Variants in ARHGEF38 observed in about 807,000 individuals in gnomAD.
The protein encoded by ARHGEF38 is Rho guanine nucleotide exchange factor 38, also known as Rho guanine nucleotide exchange factor (GEF) 38.
In ARHGEF38, 79 loss-of-function variants were observed where a neutral mutation model predicts 79.9. That is an observed-to-expected ratio of 0.99 (90% CI 0.82 to 1.19). ARHGEF38 has a LOEUF of 1.19. Among genes scored for constraint, ARHGEF38 ranks in the 50% most tolerant of loss-of-function variants. The probability of loss-of-function intolerance (pLI) is 0.00; values close to 1 mark genes in which losing one functional copy is unlikely to be tolerated. For missense variants in ARHGEF38, 962 were observed against 907.2 expected, an observed-to-expected ratio of 1.06 and a Z score of -0.78; for synonymous variants, 366 against 328.3, an observed-to-expected ratio of 1.11 and a Z score of -1.24.
chr4:105,555,682 A>G (rs1258338704), intron 1 of ARHGEF38, among the ~76,000 whole-genome samples: 1 of 152,078 alleles, frequency 6.6e-6, no homozygotes, highest in African/African-American at 2.4e-5. Context: ...CATTCCTCAA[A>G]TTATTTAGCT....
chr4:105,584,697 T>G (rs953040671), intron 1 of ARHGEF38, among the ~76,000 whole-genome samples: 1 of 152,312 alleles, frequency 6.6e-6, no homozygotes, highest in South Asian at 2.1e-4. Flanking sequence ...ATAACTTAGA[T>G]AGATATTACA....
chr4:105,624,219 C>A (rs1728853140), intron 3 of ARHGEF38, among the ~76,000 whole-genome samples: 1 of 152,052 alleles, frequency 6.6e-6, no homozygotes, highest in Non-Finnish European at 1.5e-5. Context: ...TACGCTAGTG[C>A]TTCTGAAAAA....
intron 1 of ARHGEF38, among the ~76,000 whole-genome samples, chr4:105,581,492 C>T (rs893691662): frequency 6.6e-6 from 1 of 152,126 alleles, no homozygotes; most frequent in African/African-American, 2.4e-5. Flanking sequence ...CTATTGCATT[C>T]TATAAAATTT....
chr4:105,673,249 A>G (rs1171437890), intron 13 of ARHGEF38, among the ~76,000 whole-genome samples: 1 of 152,074 alleles, frequency 6.6e-6, no homozygotes, highest in East Asian at 1.9e-4. Context: ...TCCATCCTAG[A>G]ATTCTGCCTT....
At chr4:105,575,037 CCAT>C (rs1226165565) in intron 1 of ARHGEF38, among the ~76,000 whole-genome samples, 1 of 143,796 alleles carries the variant, frequency 7.0e-6, no homozygotes, top group Non-Finnish European at 1.5e-5. Context: ...CACACACACA[CCAT>C]ATTTTCTGTA....
chr4:105,643,165 G>A (rs971083947), intron 5 of ARHGEF38, among the ~76,000 whole-genome samples: 1 of 151,008 alleles, frequency 6.6e-6, no homozygotes, highest in Non-Finnish European at 1.5e-5. Context: ...ACTGAAAACA[G>A]TTTTCAGTAT....
rs151246159 is a variant in ARHGEF38 at position 105,620,380 on chromosome 4, G to A, written c.508+6873G>A. 5.9e-5 allele frequency among the ~76,000 whole-genome samples: 9 copies of A among 152,176 alleles called. No individual in the cohort carries two copies. In the East Asian group the frequency reaches 1.7e-3, roughly 29 times the overall value. On this transcript the variant is annotated intron_variant, in intron 3 of 13. Coordinates refer to ENST00000420470, the MANE Select transcript of ARHGEF38 (RefSeq NM_001242729.2). ...TCAGTTTCTTATCTGGAAACTGGAG[G>A]CAATAGTACCTATCCCATATGGTTT...
chr4:105,591,898 C>T (rs1001330962), intron 2 of ARHGEF38, among the ~76,000 whole-genome samples: 5 of 152,116 alleles, frequency 3.3e-5, no homozygotes, highest in Non-Finnish European at 5.9e-5. Context: ...GTCATTGCTA[C>T]GTATATAAAT....
chr4:105,658,788 T>C (rs895283167), intron 9 of ARHGEF38, among the ~76,000 whole-genome samples: 1 of 152,144 alleles, frequency 6.6e-6, no homozygotes, highest in African/African-American at 2.4e-5. Context: ...AGTGGAGTTA[T>C]ATTTTGGGTG....
intron 2 of ARHGEF38, among the ~76,000 whole-genome samples, chr4:105,603,663 G>A (rs1727918547): frequency 6.6e-6 from 1 of 152,084 alleles, no homozygotes; most frequent in East Asian, 1.9e-4. Context: ...AGCCTTGCAG[G>A]CAGAGTCATA....
At chr4:105,603,554 G>C (rs942843535) in intron 2 of ARHGEF38, among the ~76,000 whole-genome samples, 1 of 152,064 alleles carries the variant, frequency 6.6e-6, no homozygotes, top group African/African-American at 2.4e-5. Context: ...ATTCTCTCTT[G>C]AAAGCCACTA....
In ARHGEF38 at chr4:105,631,014, G is replaced by A; in HGVS notation, c.625G>A (p.Glu209Lys). The change falls in exon 4 of 14, where the codon GAA becomes AAA. Residue 209 changes from glutamate to lysine, a missense_variant. Glu to Lys is a moderately conservative substitution (Grantham distance 56). Transcript: ENST00000420470. ...CTATGAAAAGGAAGAAGAGCTGAAGGAACATTTGAGCCACTGTATCCAGTC... is the reference window on the plus strand; with the variant it reads ...CTATGAAAAGGAAGAAGAGCTGAAGAAACATTTGAGCCACTGTATCCAGTC... ...ESYEKEEELK[E>K]HLSHCIQSLK... is the part of the protein sequence containing the mutation. The A allele has an allele frequency of 2.5e-6, 4 of 1,613,586 alleles. No homozygotes were observed. The highest frequency in any genetic ancestry group is 3.4e-6 in the Non-Finnish European group (4 of 1,179,796).
intron 2 of ARHGEF38, among the ~76,000 whole-genome samples, chr4:105,594,603 T>C (rs1727493851): frequency 6.6e-6 from 1 of 152,172 alleles, no homozygotes; most frequent in African/African-American, 2.4e-5. Context: ...GAAAATTGGA[T>C]GAAGGAAGTT....
At chr4:105,555,313 C>T (rs553011380) in intron 1 of ARHGEF38, among the ~76,000 whole-genome samples, 20 of 152,200 alleles carry the variant, frequency 1.3e-4, no homozygotes, top group African/African-American at 4.8e-4. Context: ...AAAAACGTAA[C>T]CCTTAAAAGA....
chr4:105,662,382 T>A (rs927328211), intron 10 of ARHGEF38, among the ~76,000 whole-genome samples: 51 of 152,318 alleles, frequency 3.3e-4, no homozygotes, highest in African/African-American at 1.2e-3. Flanking sequence ...TGATTTTTTT[T>A]CATGCTAATG....
intron 2 of ARHGEF38, among the ~76,000 whole-genome samples, chr4:105,607,209 T>G (rs1040491061): frequency 6.6e-6 from 1 of 152,092 alleles, no homozygotes; most frequent in South Asian, 2.1e-4. Flanking sequence ...GTTATACCAA[T>G]GGCCAAACTA....
At chr4:105,658,828 C>G (rs183924738) in intron 9 of ARHGEF38, among the ~76,000 whole-genome samples, 11 of 152,264 alleles carry the variant, frequency 7.2e-5, no homozygotes, top group Admixed American at 5.2e-4. Flanking sequence ...ATTCCTCTTC[C>G]TGCTCACTTT....
chr4:105,558,847 T>A (rs1578249774), intron 1 of ARHGEF38, among the ~76,000 whole-genome samples: 2 of 151,692 alleles, frequency 1.3e-5, no homozygotes, highest in Non-Finnish European at 2.9e-5. Flanking sequence ...AATTATGGGT[T>A]TATCAAAATG....
At chr4:105,602,428 G>A (rs542534639) in intron 2 of ARHGEF38, among the ~76,000 whole-genome samples, 8 of 152,162 alleles carry the variant, frequency 5.3e-5, no homozygotes, top group Non-Finnish European at 1.0e-4. Context: ...CTAATCTGAA[G>A]TTATTAGTAA....
Sources: gnomAD v4.1 joint callset for allele counts (sites outside exome capture counted in the v4.1 genomes callset) on GRCh38, gnomAD v4.1.1 for gene constraint, MANE v1.5 for transcripts, NCBI Gene and HGNC (gene_info 2026-07-23, HGNC 2026-07-21) for gene names.